The following CENPE variants were observed in gnomAD, a reference collection of about 807,000 sequenced individuals.
The protein encoded by CENPE is centromere protein E.
In CENPE, 145 loss-of-function variants were observed where a neutral mutation model predicts 336.1. The ratio of observed to expected loss-of-function variants is 0.43; its 90% CI spans 0.38 to 0.50. CENPE has a LOEUF of 0.50. Among genes scored for constraint, CENPE ranks in the 20% least tolerant of loss-of-function variants. CENPE has a pLI of 0.00. For synonymous variants in CENPE, 1,013 were observed against 984.8 expected (o/e 1.03, Z -0.54); for missense variants, 2,719 against 3,023.3 (o/e 0.90, Z 2.36).
intron 33 of CENPE, among the ~76,000 whole-genome samples, chr4:103,144,081 C>T (rs573106968): frequency 5.3e-5 from 8 of 152,162 alleles, no homozygotes; most frequent in East Asian, 1.9e-4. Flanking sequence ...GGACTACAGG[C>T]GCCCACCACC....
chr4:103,151,509 C>CA (rs1402629571), intron 25 of CENPE, 132 bp from the exon 26 acceptor site: 11 of 642,282 alleles, frequency 1.7e-5, no homozygotes, highest in Non-Finnish European at 2.1e-5. Context: ...AGACAAATTT[C>CA]AAAAAAGAAA....
intron 32 of CENPE, 152 bp downstream of exon 32, chr4:103,144,898 C>A (rs887198878): frequency 3.0e-6 from 2 of 662,132 alleles, no homozygotes; most frequent in South Asian, 2.6e-5. Flanking sequence ...TTTACTGGTA[C>A]TCAGTTGAAT....
At chr4:103,115,922 G>A (rs1454624854) in intron 45 of CENPE, among the ~76,000 whole-genome samples, 3 of 151,806 alleles carry the variant, frequency 2.0e-5, no homozygotes, top group African/African-American at 4.8e-5. Context: ...TAGTAGAGGC[G>A]GGGTTTCACC....
chr4:103,176,482 C>A (rs1755872142), intron 14 of CENPE, among the ~76,000 whole-genome samples: 2 of 152,146 alleles, frequency 1.3e-5, no homozygotes, highest in African/African-American at 2.4e-5. Context: ...AATAAAAACA[C>A]CTGTCTCATG....
chr4:103,166,748 AT>A (rs1366446320), intron 16 of CENPE, among the ~76,000 whole-genome samples: 2 of 151,088 alleles, frequency 1.3e-5, no homozygotes, highest in East Asian at 1.9e-4. Context: ...ACTGGGTCTT[AT>A]TTTTTTTTGA....
chr4:103,187,381 T>C (rs989080417), intron 8 of CENPE, among the ~76,000 whole-genome samples: 1 of 152,126 alleles, frequency 6.6e-6, no homozygotes, highest in Non-Finnish European at 1.5e-5. Flanking sequence ...GGAAAAAATG[T>C]TAAGGGCAGC....
At chr4:103,184,721 T>TTA (rs909617318) in intron 9 of CENPE, among the ~76,000 whole-genome samples, 1 of 152,194 alleles carries the variant, frequency 6.6e-6, no homozygotes, top group Admixed American at 6.5e-5. Flanking sequence ...TACTATGGCA[T>TTA]TATAATATGT....
intron 42 of CENPE, among the ~76,000 whole-genome samples, chr4:103,125,983 C>T (rs1261725545): frequency 6.6e-6 from 1 of 152,032 alleles, no homozygotes; most frequent in Non-Finnish European, 1.5e-5. Context: ...CAAAGGGATG[C>T]TCCCCAAACT....
chr4:103,179,638 T>G (rs1756165633), intron 13 of CENPE, among the ~76,000 whole-genome samples: 1 of 152,238 alleles, frequency 6.6e-6, no homozygotes, highest in Admixed American at 6.5e-5. Flanking sequence ...TTATCTCATT[T>G]AATTCTCACA....
chr4:103,163,039 T>C (rs571058543), intron 18 of CENPE, 98 bp downstream of exon 18: 76 of 922,220 alleles, frequency 8.2e-5, no homozygotes, highest in Non-Finnish European at 1.1e-4. Context: ...ATTACAACAA[T>C]ACACAGCACA....
chr4:103,123,805 G>T (rs968946470), intron 42 of CENPE, among the ~76,000 whole-genome samples: 1 of 152,152 alleles, frequency 6.6e-6, no homozygotes, highest in African/African-American at 2.4e-5. Flanking sequence ...CCTGAAAAAA[G>T]TGACACCAAG....
chr4:103,187,703 T>A (rs567922053), intron 8 of CENPE, among the ~76,000 whole-genome samples: 270 of 152,262 alleles, frequency 1.8e-3, no homozygotes, highest in African/African-American at 6.1e-3. Flanking sequence ...CATGCCAAAT[T>A]GTAAAGACCA....
intron 34 of CENPE, among the ~76,000 whole-genome samples, chr4:103,142,542 C>G (rs1752651908): frequency 6.6e-6 from 1 of 152,218 alleles, no homozygotes; most frequent in Admixed American, 6.5e-5. Context: ...CTCTACTCCT[C>G]TTAGGCCATC....
At chr4:103,112,138 CTA>C (rs1342379084) in intron 46 of CENPE, among the ~76,000 whole-genome samples, 2 of 150,864 alleles carry the variant, frequency 1.3e-5, no homozygotes, top group African/African-American at 2.4e-5. Flanking sequence ...GTGAGCATAA[CTA>C]TATATATGTG....
chr4:103,132,836 C>T lies in CENPE; in HGVS notation c.6781G>A (p.Val2261Ile), dbSNP rs1385193221. 1 of 1,571,332 alleles carries T rather than the reference C, an allele frequency of 6.4e-7. No homozygotes were observed. Among genetic ancestry groups the T allele is most frequent in the Non-Finnish European group, 8.6e-7 (1 of 1,157,216 alleles). ...GTCATTTCTTTCCTATTACTTAGTA[C>T]TTGTTGAAATTCAGTCTTTATGCTA... ...FPSIKTEFQQVLSNRKEMTQF... is the reference protein window; with the variant it reads ...FPSIKTEFQQILSNRKEMTQF... Residue 2261 changes from valine (V) to isoleucine (I), a missense_variant, in exon 42 of 49, where the codon GTA becomes ATA. This residue lies in a region of CENPE where 2,437 missense variants were observed against 2,513.3 expected (regional missense o/e 0.97). Coordinates refer to ENST00000265148, the MANE Select transcript of CENPE (RefSeq NM_001813.3).
At chr4:103,170,876 CAGG>C (rs1193798661) in intron 16 of CENPE, among the ~76,000 whole-genome samples, 1 of 151,972 alleles carries the variant, frequency 6.6e-6, no homozygotes, top group Non-Finnish European at 1.5e-5. Context: ...TGTAAGAGAG[CAGG>C]AGAAGCTATA....
intron 2 of CENPE, 41 bp from the exon 3 acceptor site, chr4:103,196,293 C>G: frequency 7.2e-7 from 1 of 1,395,868 alleles, no homozygotes; most frequent in African/African-American, 1.4e-5. Context: ...GAAGTTAAAT[C>G]AAATGAGTCC....
At chr4:103,162,239 C>T (rs760049408) in intron 18 of CENPE, among the ~76,000 whole-genome samples, 9 of 151,310 alleles carry the variant, frequency 5.9e-5, no homozygotes, top group South Asian at 2.1e-4. Flanking sequence ...TAGAAGGTAA[C>T]AAAAACTAAA....
rs1389743575 is a variant in CENPE, at chr4:103,143,262, C to T, written c.5290G>A (p.Ala1764Thr). Residue 1764 changes from alanine to threonine, a missense_variant, in exon 34 of 49, where the codon GCC (alanine) becomes ACC (threonine). By Grantham distance (58) the Ala-to-Thr change is moderately conservative (BLOSUM62 0). Around this residue, in one of 5 missense-constraint regions of CENPE, gnomAD observed 2,437 missense variants for 2,513.3 expected, o/e 0.97. Transcript: ENST00000265148. ...MQKDLEHSND[A>T]LKAQDLKIQE... ...AAATAAAATACCTGTGCTTTTAAGGCATCATTTGAGTGTTCTAAGTCCTTT... is the reference window on the plus strand; with the variant it reads ...AAATAAAATACCTGTGCTTTTAAGGTATCATTTGAGTGTTCTAAGTCCTTT... 3 of 1,589,574 alleles carry T rather than the reference C, an allele frequency of 1.9e-6. No individual in the cohort carries two copies. The highest frequency in any genetic ancestry group is 1.7e-6 in the Non-Finnish European group (2 of 1,170,442).
Sources: gnomAD v4.1 joint callset for allele counts (sites outside exome capture counted in the v4.1 genomes callset) on GRCh38, gnomAD v4.1.1 for gene constraint, gnomAD v4.1.1 regional missense constraint, MANE v1.5 for transcripts, NCBI Gene and HGNC (gene_info 2026-07-23, HGNC 2026-07-21) for gene names.